DNAJC10: variants seen among roughly 807,000 people sequenced by gnomAD.
The protein encoded by DNAJC10 is DnaJ heat shock protein family (Hsp40) member C10.
DNAJC10 carries 101 observed loss-of-function variants against 115.0 expected under a neutral mutation model. The observed-to-expected ratio is 0.88, with a 90% confidence interval of 0.75 to 1.04. The LOEUF (loss-of-function observed/expected upper bound fraction) is 1.04, where lower values mean the gene tolerates loss of function less well. Among genes scored for constraint, DNAJC10 ranks in the 50% least tolerant of loss-of-function variants. The probability of loss-of-function intolerance (pLI) is 0.00; values close to 1 mark genes in which losing one functional copy is unlikely to be tolerated. For synonymous variants in DNAJC10, 307 were observed against 301.5 expected (o/e 1.02, Z -0.19); for missense variants, 981 against 928.8 (o/e 1.06, Z -0.73).
Position 182,741,303 on chromosome 2 carries a change from A to C in DNAJC10, c.1138A>C (p.Asn380His), listed in dbSNP as rs778213946. 6.2e-7 allele frequency: 1 copy of C among 1,605,718 alleles called. No homozygotes were observed. The highest frequency in any genetic ancestry group is 8.5e-7 in the Non-Finnish European group (1 of 1,177,218). Residue 380 changes from asparagine (N) to histidine (H), a missense_variant, in exon 13 of 24, where the codon AAT (asparagine) becomes CAT (histidine). Transcript: ENST00000264065. ...TCATTTTGGAAAAAATGAAAATTCA[A>C]ATGATCCTGAGCTGAAAAAACTAAA... ...FFHFGKNENS[N>H]DPELKKLKTL...
chr2:182,746,185 C>T (rs548654450), intron 14 of DNAJC10, among the ~76,000 whole-genome samples: 16 of 152,180 alleles, frequency 1.1e-4, no homozygotes, highest in African/African-American at 3.1e-4. Flanking sequence ...TGAATAATGC[C>T]GCAATAAACA....
rs1328461147 is a variant in DNAJC10 at position 182,779,696 on chromosome 2, G to C, written c.*2564G>C. 6.6e-6 allele frequency: 1 copy of C among 152,124 alleles called. No individual in the cohort carries two copies. The highest frequency in any genetic ancestry group is 6.6e-5 in the Admixed American group (1 of 15,256). The allele number at this position is 152,124 out of a possible 1,614,324, so 9.4% of individuals were successfully genotyped here. A position where few individuals can be genotyped will look rare whatever the true frequency, so the allele number is the denominator to read the frequency against. On this transcript the variant is annotated 3_prime_UTR_variant, in exon 24 of 24. Coordinates refer to ENST00000264065, the MANE Select transcript of DNAJC10 (RefSeq NM_018981.4). The stretch of plus-strand genomic sequence containing the variant: ...GGTATATGATTAAGATAAAGGAAAA[G>C]TAAAATGAAATGTTTATGTAATTTT...
At chr2:182,772,596 G>T (rs1694596120) in intron 22 of DNAJC10, among the ~76,000 whole-genome samples, 1 of 152,092 alleles carries the variant, frequency 6.6e-6, no homozygotes, top group Admixed American at 6.5e-5. Context: ...TTTGATCTTT[G>T]TTGGTTTAAA....
At chr2:182,769,038 A>G (rs951369818) in intron 22 of DNAJC10, among the ~76,000 whole-genome samples, 1 of 151,788 alleles carries the variant, frequency 6.6e-6, no homozygotes, top group African/African-American at 2.4e-5. Flanking sequence ...AAGTGATCTC[A>G]TTGTTCAATT....
chr2:182,747,340 A>C (rs572029564), intron 14 of DNAJC10, among the ~76,000 whole-genome samples: 1 of 152,172 alleles, frequency 6.6e-6, no homozygotes, highest in Non-Finnish European at 1.5e-5. Context: ...CATTGTCACA[A>C]TATTGAGTCT....
At position 182,782,234 on chromosome 2, in the gene DNAJC10, T is replaced by G. The variant is rs1694863742; in HGVS notation, c.*5102T>G. On this transcript the variant is annotated 3_prime_UTR_variant, in exon 24 of 24. Transcript: ENST00000264065. ...TTCCCCATTGCTTGTTTTTGTCAGG[T>G]TTGTCAAAGATCAGATGGTTGTAGA... is the stretch of plus-strand genomic sequence containing the variant. 6.6e-6 allele frequency: 1 copy of G among 152,238 alleles called. No individual in the cohort carries two copies. The highest frequency in any genetic ancestry group is 2.4e-5 in the African/African-American group (1 of 41,454). The allele number at this position is 152,238 out of a possible 1,614,324, so 9.4% of individuals were successfully genotyped here.
chr2:182,754,647 A>G, intron 16 of DNAJC10: 1 of 461,644 alleles, frequency 2.2e-6, no homozygotes, highest in Non-Finnish European at 2.9e-6. Context: ...TTTAAAAAAA[A>G]GACTCAAGCT....
chr2:182,753,676 G>A (rs936425119), intron 16 of DNAJC10, among the ~76,000 whole-genome samples: 7 of 127,928 alleles, frequency 5.5e-5, no homozygotes, highest in Admixed American at 9.6e-5. Flanking sequence ...TCCACCCCCC[G>A]GGTTCATGCC....
At chr2:182,747,531 G>A (rs1355209994) in intron 14 of DNAJC10, among the ~76,000 whole-genome samples, 1 of 151,320 alleles carries the variant, frequency 6.6e-6, no homozygotes, top group Non-Finnish European at 1.5e-5. Context: ...GGCTCTGTTT[G>A]TCTGTTGTTG....
Position 182,740,347 on chromosome 2 carries a change from A to G in DNAJC10, c.1036A>G (p.Asn346Asp). The G allele has an allele frequency of 1.0e-5, 16 of 1,564,210 alleles. 1 individual carries two copies. The highest frequency in any genetic ancestry group is 3.3e-4 in the Middle Eastern group (2 of 5,982). ...AGAAATATATTTGGAAGTAATACAT[A>G]ATCTTCCAGATTTTGAACTACTTTC... is the stretch of plus-strand genomic sequence containing the variant. ...AKEIYLEVIH[N>D]LPDFELLSAN... The change falls in exon 12 of 24, where the codon AAT (asparagine) becomes GAT (aspartate). Residue 346 changes from asparagine (N) to aspartate (D), a missense_variant. Physicochemically the swap from Asn to Asp is conservative, Grantham distance 23. Transcript: ENST00000264065.
At chr2:182,732,874 A>C in intron 10 of DNAJC10, 1 of 289,644 alleles carries the variant, frequency 3.5e-6, no homozygotes, top group Non-Finnish European at 6.4e-6. Flanking sequence ...TTTTAAATGT[A>C]TATAGCTCTC....
intron 6 of DNAJC10, 84 bp from the exon 7 acceptor site, chr2:182,728,779 G>C (rs1693357953): frequency 6.6e-7 from 1 of 1,524,382 alleles, no homozygotes; most frequent in African/African-American, 1.4e-5. Context: ...TTAAATGTCT[G>C]GTTTAAAAAT....
chr2:182,754,810 T>TC, intron 16 of DNAJC10, 193 bp from the exon 17 acceptor site: 4 of 1,340,008 alleles, frequency 3.0e-6, no homozygotes, highest in Non-Finnish European at 9.6e-7. Context: ...GATCAGGTAT[T>TC]CATCAGTATT....
chr2:182,739,157 G>T (rs1303159601), intron 11 of DNAJC10, among the ~76,000 whole-genome samples: 1 of 116,872 alleles, frequency 8.6e-6, no homozygotes, highest in African/African-American at 2.8e-5. Context: ...CTCTAAGAAT[G>T]TTTATGATAT....
In DNAJC10 at chr2:182,758,907, T is replaced by A. The variant is rs543737879; in HGVS notation, c.1997+17T>A. On this transcript the variant is annotated intron_variant, in intron 20 of 23. Transcript: ENST00000264065. ...GGGTCTAGGGTGAGTAATTAAAATA[T>A]ATATCATTGTATAAAATAGATTCAA... 3.3e-6 allele frequency: 5 copies of A among 1,533,678 alleles called. No individual in the cohort carries two copies. Among genetic ancestry groups the A allele is most frequent in the Non-Finnish European group, 4.5e-6 (5 of 1,108,776 alleles).
intron 14 of DNAJC10, among the ~76,000 whole-genome samples, chr2:182,744,779 G>A (rs1693820310): frequency 6.6e-6 from 1 of 152,188 alleles, no homozygotes; most frequent in Admixed American, 6.5e-5. Context: ...AGCCATGGTA[G>A]ATTTTGAATC....
intron 14 of DNAJC10, among the ~76,000 whole-genome samples, chr2:182,744,565 G>T (rs1693815582): frequency 6.6e-6 from 1 of 152,152 alleles, no homozygotes; most frequent in African/African-American, 2.4e-5. Flanking sequence ...GGGAAAAGAA[G>T]TGAGACCTCT....
intron 7 of DNAJC10, 38 bp downstream of exon 7, chr2:182,729,032 CATT>C (rs751138402): frequency 2.6e-5 from 41 of 1,598,252 alleles, no homozygotes; most frequent in Non-Finnish European, 3.3e-5. Flanking sequence ...ATTTGTGAAA[CATT>C]ATGACAAGTT....
In DNAJC10 at chr2:182,790,258, A is replaced by T. The variant is rs935404345; in HGVS notation, c.*13126A>T. ...TTGTTAGGTCTTCAAGAGCAGAAGAAATTTATTTTATACTTATAAACTTCA... is the reference window on the plus strand; with the variant it reads ...TTGTTAGGTCTTCAAGAGCAGAAGATATTTATTTTATACTTATAAACTTCA... On this transcript the variant is annotated 3_prime_UTR_variant, in exon 24 of 24. Coordinates refer to ENST00000264065, the MANE Select transcript of DNAJC10 (RefSeq NM_018981.4). 2 of 152,214 alleles carry T rather than the reference A, an allele frequency of 1.3e-5. No individual in the cohort carries two copies. The highest frequency in any genetic ancestry group is 2.9e-5 in the Non-Finnish European group (2 of 68,032). The allele number at this position is 152,214 out of a possible 1,614,324, so 9.4% of individuals were successfully genotyped here.
Sources: gnomAD v4.1 joint callset for allele counts (sites outside exome capture counted in the v4.1 genomes callset) on GRCh38, gnomAD v4.1.1 for gene constraint, MANE v1.5 for transcripts, NCBI Gene and HGNC (gene_info 2026-07-23, HGNC 2026-07-21) for gene names.